SRRM4: variants seen among roughly 807,000 people sequenced by gnomAD.
The protein encoded by SRRM4 is serine/arginine repetitive matrix 4, also known as serine/arginine repetitive matrix protein 4.
A neutral mutation model predicts 68.9 loss-of-function variants in SRRM4; 33 were observed. That is an observed-to-expected ratio of 0.48 (90% CI 0.36 to 0.64). The LOEUF (loss-of-function observed/expected upper bound fraction) is 0.64, where lower values mean the gene tolerates loss of function less well. SRRM4 is among the 30% of genes least tolerant of loss of function. The pLI is 0.00. For missense variants in SRRM4, 817 were observed against 827.1 expected, an observed-to-expected ratio of 0.99 and a Z score of 0.15; for synonymous variants, 318 against 318.8, an observed-to-expected ratio of 1.00 and a Z score of 0.03.
At chr12:119,091,365 G>A (rs61938014) in intron 1 of SRRM4, among the ~76,000 whole-genome samples, 13,760 of 152,164 alleles carry the variant, frequency 0.09, 675 homozygotes, top group Middle Eastern at 0.15. Context: ...AGGAAGCCAA[G>A]GCCTCAGTGT....
chr12:119,082,992 G>A (rs1953957857), intron 1 of SRRM4, among the ~76,000 whole-genome samples: 1 of 152,206 alleles, frequency 6.6e-6, no homozygotes, highest in Non-Finnish European at 1.5e-5. Context: ...AGGAAAGCGG[G>A]GAAGGAGAGG....
intron 1 of SRRM4, among the ~76,000 whole-genome samples, chr12:119,038,447 G>A (rs1339344106): frequency 2.0e-5 from 3 of 152,056 alleles, no homozygotes; most frequent in South Asian, 2.1e-4. Context: ...TCCTGACCTC[G>A]TGATCCACCC....
intron 1 of SRRM4, among the ~76,000 whole-genome samples, chr12:119,025,751 G>A (rs1393437433): frequency 2.0e-5 from 3 of 151,970 alleles, no homozygotes; most frequent in East Asian, 1.9e-4. Context: ...TCTCATATAC[G>A]GATTTTACTA....
intron 2 of SRRM4, among the ~76,000 whole-genome samples, chr12:119,111,999 T>G (rs1236513055): frequency 1.3e-5 from 2 of 151,102 alleles, no homozygotes; most frequent in Non-Finnish European, 2.9e-5. Context: ...TGAGCTGAGA[T>G]CATGCCACTG....
intron 8 of SRRM4, among the ~76,000 whole-genome samples, chr12:119,140,221 A>C (rs750533821): frequency 7.5e-6 from 1 of 132,840 alleles, no homozygotes; most frequent in African/African-American, 3.8e-5. Context: ...CTAAAAATAC[A>C]AAAAAAATTA....
chr12:119,074,018 G>C (rs1953894037), intron 1 of SRRM4, among the ~76,000 whole-genome samples: 1 of 152,144 alleles, frequency 6.6e-6, no homozygotes, highest in African/African-American at 2.4e-5. Flanking sequence ...TATATGTAAA[G>C]TGTTTTTAAA....
chr12:119,122,025 A>T lies in SRRM4; in HGVS notation c.465-45A>T, dbSNP rs575591313. The stretch of plus-strand genomic sequence containing the variant: ...CATTTTAACTACTTGTTTATCTTTA[A>T]CTAGAATTTTGCATCTTTCAATTAA... On this transcript the variant is annotated intron_variant, in intron 5 of 12. Coordinates refer to ENST00000267260, the MANE Select transcript of SRRM4 (RefSeq NM_194286.4). 27 of 1,307,766 alleles carry T rather than the reference A, an allele frequency of 2.1e-5. No individual in the cohort carries two copies. The East Asian group carries it at 6.0e-4, about 29-fold the overall frequency. 81.0% of individuals were successfully genotyped at this position (1,307,766 alleles called of 1,614,324 possible). A position where few individuals can be genotyped will look rare whatever the true frequency, so the allele number is the denominator to read the frequency against.
intron 1 of SRRM4, among the ~76,000 whole-genome samples, chr12:119,037,807 A>G (rs1953639473): frequency 6.6e-6 from 1 of 152,210 alleles, no homozygotes; most frequent in Admixed American, 6.5e-5. Context: ...GACTTGAAAT[A>G]TCGGGGTTCT....
intron 1 of SRRM4, among the ~76,000 whole-genome samples, chr12:118,983,160 A>G (rs970958031): frequency 1.3e-5 from 2 of 152,224 alleles, no homozygotes; most frequent in Admixed American, 6.5e-5. Context: ...CTTTCCAGTG[A>G]GTGTGAGGTG....
Position 119,112,802 on chromosome 12 carries a change from G to T in SRRM4, c.279-1476G>T, listed in dbSNP as rs545784112. ...GAACATCACACACTGGGGCCTGTTG[G>T]GGGAGAGTGGTGGCTGAGGAAGAGC... On this transcript the variant is annotated intron_variant, in intron 2 of 12. Coordinates refer to ENST00000267260, the MANE Select transcript of SRRM4 (RefSeq NM_194286.4). Among the ~76,000 whole-genome samples the T allele has an allele frequency of 1.8e-4, 27 of 152,240 alleles. 1 individual carries two copies. The East Asian group carries it at 5.0e-3, about 28-fold the overall frequency.
intron 1 of SRRM4, among the ~76,000 whole-genome samples, chr12:119,032,766 C>T (rs1392101018): frequency 6.6e-6 from 1 of 152,016 alleles, no homozygotes; most frequent in Non-Finnish European, 1.5e-5. Flanking sequence ...TGGCCAAGGC[C>T]CAAGACTTTT....
chr12:119,006,944 G>T (rs1321967222), intron 1 of SRRM4, among the ~76,000 whole-genome samples: 1 of 152,220 alleles, frequency 6.6e-6, no homozygotes, highest in Admixed American at 6.5e-5. Flanking sequence ...GCTGGGAGGA[G>T]CCCGTGAGAA....
intron 1 of SRRM4, among the ~76,000 whole-genome samples, chr12:119,088,303 C>T (rs1267361121): frequency 6.6e-6 from 1 of 152,118 alleles, no homozygotes; most frequent in African/African-American, 2.4e-5. Flanking sequence ...GGGCCAGTCC[C>T]CTGACTTCAG....
At chr12:119,141,202 C>T (rs1287754816) in intron 8 of SRRM4, among the ~76,000 whole-genome samples, 1 of 152,184 alleles carries the variant, frequency 6.6e-6, no homozygotes, top group African/African-American at 2.4e-5. Context: ...TTCGGCCTCC[C>T]AGAGTGTTGG....
intron 1 of SRRM4, among the ~76,000 whole-genome samples, chr12:119,009,270 G>C (rs1472967729): frequency 2.6e-5 from 4 of 152,166 alleles, no homozygotes; most frequent in African/African-American, 9.7e-5. Flanking sequence ...ATCGGGAAGA[G>C]GGAGGAGAGT....
chr12:119,025,518 C>T (rs754426998), intron 1 of SRRM4, among the ~76,000 whole-genome samples: 1 of 152,044 alleles, frequency 6.6e-6, no homozygotes, highest in Non-Finnish European at 1.5e-5. Context: ...GATCTTGGCT[C>T]ACCGCAACCT....
In SRRM4 at chr12:119,160,281, CTCTCTCTG is replaced by C. The variant is rs750522020; in HGVS notation, c.*3491_*3498del. ...TCTCTCTCTGTCTCTCTCTCTGTCT[CTCTCTCTG>C]TCTCTCTCTCTCTCTCTCTCTCTCT... On this transcript the variant is annotated 3_prime_UTR_variant, in exon 13 of 13. Coordinates refer to ENST00000267260, the MANE Select transcript of SRRM4 (RefSeq NM_194286.4). 347 of 129,862 alleles carry C rather than the reference CTCTCTCTG, an allele frequency of 2.7e-3. 1 individual carries two copies. Among genetic ancestry groups the C allele is most frequent in the South Asian group, 4.4e-3 (17 of 3,870 alleles). 8.0% of individuals were successfully genotyped at this position (129,862 alleles called of 1,614,324 possible).
chr12:119,007,038 A>G (rs1953420702), intron 1 of SRRM4, among the ~76,000 whole-genome samples: 1 of 152,070 alleles, frequency 6.6e-6, no homozygotes, highest in Admixed American at 6.5e-5. Flanking sequence ...AGCTTTATGG[A>G]TTTGCACATT....
intron 1 of SRRM4, among the ~76,000 whole-genome samples, chr12:119,094,755 G>T (rs61938015): frequency 0.091 from 13,857 of 152,260 alleles, 684 homozygotes; most frequent in Middle Eastern, 0.15. Context: ...CTCTATCAGA[G>T]AACTTCTTAT....
Sources: allele counts gnomAD v4.1 joint callset (sites outside exome capture counted in the v4.1 genomes callset), GRCh38; gene constraint gnomAD v4.1.1; transcripts MANE v1.5; gene names NCBI Gene and HGNC (gene_info 2026-07-23, HGNC 2026-07-21).